Variants in TMEM164 observed in about 807,000 individuals in gnomAD.
TMEM164 encodes the protein RP13-360B22.2.
A neutral mutation model predicts 18.8 loss-of-function variants in TMEM164; 4 were observed. The observed-to-expected ratio is 0.21, with a 90% CI of 0.10 to 0.49. The LOEUF (loss-of-function observed/expected upper bound fraction) is 0.49, where lower values mean the gene tolerates loss of function less well. Ranked by LOEUF, TMEM164 falls within the 20% of genes least tolerant of loss-of-function variation. TMEM164 has a pLI of 0.98. For missense variants in TMEM164, 108 were observed against 239.9 expected, an observed-to-expected ratio of 0.45 and a Z score of 3.63; for synonymous variants, 86 against 101.7, an observed-to-expected ratio of 0.85 and a Z score of 0.93.
At chrX:110,116,861 CGTGTGTGTGTGTGTGGTGTGT>C (rs1411169584) in intron 4 of TMEM164, among the ~76,000 whole-genome samples, 1 of 88,818 alleles carries the variant, frequency 1.1e-5, no homozygotes, top group Non-Finnish European at 2.2e-5. Flanking sequence ...TGCGCGTGTG[CGTGTGTGTGTGTGTGGTGTGT>C]GTGTGTGTGT....
In TMEM164 at chrX:110,063,828, G is replaced by A. The variant is rs1352754377; in HGVS notation, c.391-3519G>A. ...TTTGTGTTTTGAGATGTCTCACACTGTAGAGAGTAGATCTTATGAGCTGGC... is the reference window on the plus strand; with the variant it reads ...TTTGTGTTTTGAGATGTCTCACACTATAGAGAGTAGATCTTATGAGCTGGC... On this transcript the variant is annotated intron_variant, in intron 2 of 6. Transcript: ENST00000372068. 4.5e-5 allele frequency among the ~76,000 whole-genome samples: 5 copies of A among 111,408 alleles called. No homozygotes were observed. In the Admixed American group the frequency reaches 4.8e-4, roughly 11 times the overall value.
intron 5 of TMEM164, among the ~76,000 whole-genome samples, chrX:110,163,121 AG>A (rs1414882664): frequency 8.9e-6 from 1 of 112,072 alleles, no homozygotes; most frequent in African/African-American, 3.3e-5. Context: ...CATTGGATTT[AG>A]CAATGAAAAA....
intron 2 of TMEM164, among the ~76,000 whole-genome samples, chrX:110,058,587 T>C (rs1602546811): frequency 1.0e-5 from 1 of 97,853 alleles, no homozygotes; most frequent in Non-Finnish European, 2.1e-5. Context: ...TTGGGTCCCC[T>C]CCCCTCCCCT....
At chrX:110,127,560 T>G (rs1412776860) in intron 4 of TMEM164, among the ~76,000 whole-genome samples, 1 of 112,257 alleles carries the variant, frequency 8.9e-6, no homozygotes, top group African/African-American at 3.2e-5. Context: ...ACTCAACTCC[T>G]GCTTCCAAAG....
chrX:110,169,386 AT>A (rs757410706), intron 5 of TMEM164, among the ~76,000 whole-genome samples: 49 of 110,853 alleles, frequency 4.4e-4, no homozygotes, highest in African/African-American at 1.5e-3. Context: ...CATCATGGTG[AT>A]TTTCCCCCCA....
intron 2 of TMEM164, among the ~76,000 whole-genome samples, chrX:110,005,957 C>T (rs995358525): frequency 9.0e-6 from 1 of 111,313 alleles, no homozygotes; most frequent in Non-Finnish European, 1.9e-5. Context: ...GATGTGATGA[C>T]GTCAAGACTG....
chrX:110,125,969 G>A lies in TMEM164; in HGVS notation c.507+16823G>A, dbSNP rs148284976. On this transcript the variant is annotated intron_variant, in intron 4 of 6. Coordinates refer to ENST00000372068, the MANE Select transcript of TMEM164 (RefSeq NM_032227.4). ...ACCGGCCAGGCTTGGCAGCAGAAGCGCATACACTGCTTCTCAGGCATTTCT... is the reference window on the plus strand; with the variant it reads ...ACCGGCCAGGCTTGGCAGCAGAAGCACATACACTGCTTCTCAGGCATTTCT... 1.3e-3 allele frequency among the ~76,000 whole-genome samples: 144 copies of A among 112,367 alleles called. 2 individuals are homozygous for A. Among genetic ancestry groups the A allele is most frequent in the Middle Eastern group, 4.6e-3 (1 of 219 alleles).
chrX:110,069,487 A>C (rs1223404460), intron 3 of TMEM164, among the ~76,000 whole-genome samples: 1 of 110,049 alleles, frequency 9.1e-6, no homozygotes, highest in African/African-American at 3.3e-5. Context: ...TCTAATTTCT[A>C]AGACCTCTTT....
At chrX:110,075,227 A>T (rs1002889954) in intron 3 of TMEM164, among the ~76,000 whole-genome samples, 2 of 111,411 alleles carry the variant, frequency 1.8e-5, no homozygotes, top group Non-Finnish European at 3.8e-5. Context: ...CTATTGTAAA[A>T]TGGGATTACA....
At chrX:110,098,288 C>T (rs1425869785) in intron 3 of TMEM164, among the ~76,000 whole-genome samples, 2 of 111,476 alleles carry the variant, frequency 1.8e-5, no homozygotes, top group Non-Finnish European at 3.8e-5. Flanking sequence ...GTAGGTACCA[C>T]AGTTTGTTTA....
chrX:110,151,037 C>T (rs770151046), intron 5 of TMEM164, among the ~76,000 whole-genome samples: 24 of 112,048 alleles, frequency 2.1e-4, no homozygotes, highest in Non-Finnish European at 3.4e-4. Context: ...TGACAGTCCC[C>T]GGATTTGAAG....
intron 2 of TMEM164, among the ~76,000 whole-genome samples, chrX:110,063,305 A>G (rs982761124): frequency 1.8e-5 from 2 of 112,022 alleles, no homozygotes; most frequent in Non-Finnish European, 3.8e-5. Context: ...TAGTACTAAC[A>G]CTTGCTCCAG....
chrX:110,137,742 G>C (rs1267257337), intron 4 of TMEM164, among the ~76,000 whole-genome samples: 1 of 112,037 alleles, frequency 8.9e-6, no homozygotes, highest in Non-Finnish European at 1.9e-5. Flanking sequence ...GTAGGGCAGG[G>C]GTCCCTACCC....
intron 5 of TMEM164, among the ~76,000 whole-genome samples, chrX:110,152,447 T>C (rs974929445): frequency 8.9e-6 from 1 of 111,761 alleles, no homozygotes; most frequent in Non-Finnish European, 1.9e-5. Context: ...TTATAAAAAA[T>C]ATATATCCCA....
chrX:110,076,888 C>T (rs2065679049), intron 3 of TMEM164, among the ~76,000 whole-genome samples: 1 of 111,872 alleles, frequency 8.9e-6, no homozygotes, highest in Admixed American at 9.5e-5. Flanking sequence ...TATGTTTGAT[C>T]TTAGAGTATG....
intron 4 of TMEM164, among the ~76,000 whole-genome samples, chrX:110,139,556 A>G (rs2148050282): frequency 8.9e-6 from 1 of 111,961 alleles, no homozygotes; most frequent in South Asian, 3.7e-4. Flanking sequence ...TCTGGCACTA[A>G]GTTTGTTGTC....
rs59507144 is a variant in TMEM164, at chrX:110,124,176, A to AAGGAAGGAAGGAAGGAAGGCAGGC, written c.507+15033_507+15034insAAGGAAGGAAGGAAGGCAGGCAGG. On this transcript the variant is annotated intron_variant, in intron 4 of 6. Transcript: ENST00000372068. ...GAAGGAAGGAAGGAAGGAAGGAAGGAAGGCAGGAAGGCAGGCAGGCAGGCA... is the reference window on the plus strand; with the variant it reads ...GAAGGAAGGAAGGAAGGAAGGAAGGAAGGAAGGAAGGAAGGAAGGCAGGCAGGCAGGAAGGCAGGCAGGCAGGCA... Among the ~76,000 whole-genome samples, 6 of 77,167 alleles carry AAGGAAGGAAGGAAGGAAGGCAGGC rather than the reference A, an allele frequency of 7.8e-5. No homozygotes were observed. In the East Asian group the frequency reaches 2.3e-3, roughly 30 times the overall value. The allele number at this position is 77,167 out of a possible 115,157, so 67.0% of individuals were successfully genotyped here. A position where few individuals can be genotyped will look rare whatever the true frequency, so the allele number is the denominator to read the frequency against.
rs147367236 is a variant in TMEM164, at chrX:110,020,968, TAAAA to T, written c.390+16828_390+16831del. ...TATGTATGAGAGAAACCCCTTTTTC[TAAAA>T]AAAAAAAAAAAAAAAAAAAAAAAGC... On this transcript the variant is annotated intron_variant, in intron 2 of 6. Coordinates refer to ENST00000372068, the MANE Select transcript of TMEM164 (RefSeq NM_032227.4). Among the ~76,000 whole-genome samples the T allele has an allele frequency of 4.1e-3, 178 of 43,628 alleles. 2 individuals carry two copies. The highest frequency in any genetic ancestry group is 0.033 in the East Asian group (34 of 1,030). The allele number at this position is 43,628 out of a possible 115,157, so 37.9% of individuals were successfully genotyped here.
At chrX:110,064,866 G>A (rs1338422581) in intron 2 of TMEM164, among the ~76,000 whole-genome samples, 1 of 108,464 alleles carries the variant, frequency 9.2e-6, no homozygotes. Flanking sequence ...ATATGGTGGT[G>A]CACACCTGTA....
Sources: allele counts gnomAD v4.1 joint callset (sites outside exome capture counted in the v4.1 genomes callset), GRCh38; gene constraint gnomAD v4.1.1; transcripts MANE v1.5; gene names NCBI Gene and HGNC (gene_info 2026-07-23, HGNC 2026-07-21).